Variants in FHIP1A observed in about 807,000 individuals in gnomAD.
The protein encoded by FHIP1A is FHF complex subunit HOOK-interacting protein 1A.
Under a neutral mutation model 88.6 loss-of-function variants are expected in FHIP1A, and 61 were observed. The ratio of observed to expected loss-of-function variants is 0.69; its 90% CI spans 0.56 to 0.85. The LOEUF is 0.85. Ranked by LOEUF, FHIP1A falls within the 40% of genes least tolerant of loss-of-function variation. The pLI, the probability that FHIP1A is intolerant of heterozygous loss-of-function variation, is 0.00. For missense variants in FHIP1A, 1,154 were observed against 1,273.5 expected, an observed-to-expected ratio of 0.91 and a Z score of 1.43; for synonymous variants, 478 against 496.0, an observed-to-expected ratio of 0.96 and a Z score of 0.48.
intron 4 of FHIP1A, among the ~76,000 whole-genome samples, chr4:151,567,445 T>A (rs183773504): frequency 1.3e-5 from 2 of 150,284 alleles, no homozygotes; most frequent in Non-Finnish European, 3.0e-5. Context: ...GTATAAACCT[T>A]CTCCGATTTT....
intron 3 of FHIP1A, among the ~76,000 whole-genome samples, chr4:151,526,889 C>T (rs563512892): frequency 7.5e-5 from 11 of 145,886 alleles, no homozygotes; most frequent in African/African-American, 1.3e-4. Context: ...CCGGACGGGG[C>T]GGCAGGGCAG....
intron 3 of FHIP1A, among the ~76,000 whole-genome samples, chr4:151,530,957 A>G (rs1401907802): frequency 2.6e-5 from 4 of 152,114 alleles, no homozygotes; most frequent in African/African-American, 9.7e-5. Flanking sequence ...AGGGCTGTCA[A>G]TGCTTCTTAT....
intron 3 of FHIP1A, among the ~76,000 whole-genome samples, chr4:151,542,871 T>G (rs549399641): frequency 5.9e-5 from 9 of 152,210 alleles, no homozygotes; most frequent in Non-Finnish European, 1.3e-4. Flanking sequence ...TCTCTGTGCC[T>G]TAGATTTCTC....
chr4:151,442,596 A>G (rs535777537), intron 1 of FHIP1A, among the ~76,000 whole-genome samples: 2 of 152,224 alleles, frequency 1.3e-5, no homozygotes, highest in African/African-American at 2.4e-5. Flanking sequence ...TGCATTTTTC[A>G]TAAGTCATAT....
chr4:151,579,715 C>T (rs1733950612), intron 5 of FHIP1A, among the ~76,000 whole-genome samples: 2 of 152,114 alleles, frequency 1.3e-5, no homozygotes, highest in Admixed American at 6.5e-5. Context: ...GAAAGCTCTA[C>T]AGCTTGTAGA....
chr4:151,608,325 A>T (rs920365245), intron 7 of FHIP1A, among the ~76,000 whole-genome samples: 5 of 152,160 alleles, frequency 3.3e-5, no homozygotes, highest in Admixed American at 3.3e-4. Context: ...GATTGCAGGC[A>T]TGAGGCACCA....
intron 9 of FHIP1A, among the ~76,000 whole-genome samples, chr4:151,639,202 C>A (rs1177184465): frequency 6.6e-6 from 1 of 152,160 alleles, no homozygotes; most frequent in African/African-American, 2.4e-5. Context: ...ACAGTGTATT[C>A]TCTCTGATCT....
chr4:151,650,344 G>C lies in FHIP1A; in HGVS notation c.2303G>C (p.Gly768Ala). The change falls in exon 11 of 14, where the codon GGC (glycine) becomes GCC (alanine). Residue 768 changes from glycine (G) to alanine (A), a missense_variant. Transcript: ENST00000435205. ...IIKELDSGAE[G>A]LMEQNYPTPD... Reference sequence around the variant, plus strand: ...AAAGAGCTGGATTCCGGCGCCGAGGGCTTGATGGAACAGAATTACCCCACA... The same window carrying C: ...AAAGAGCTGGATTCCGGCGCCGAGGCCTTGATGGAACAGAATTACCCCACA... 1 of 1,551,730 alleles carries C rather than the reference G, an allele frequency of 6.4e-7. No homozygotes were observed. Among genetic ancestry groups the C allele is most frequent in the Non-Finnish European group, 8.7e-7 (1 of 1,147,012 alleles).
chr4:151,448,932 A>G (rs1000089876), intron 1 of FHIP1A, among the ~76,000 whole-genome samples: 2 of 152,164 alleles, frequency 1.3e-5, no homozygotes, highest in African/African-American at 4.8e-5. Context: ...AACAGTGCAC[A>G]GGAGTTCCAG....
intron 3 of FHIP1A, among the ~76,000 whole-genome samples, chr4:151,533,458 C>T (rs1428221480): frequency 6.6e-6 from 1 of 151,964 alleles, no homozygotes; most frequent in African/African-American, 2.4e-5. Context: ...GATATATTTC[C>T]TTTGGCTCAT....
At chr4:151,635,883 T>G (rs1736334973) in intron 8 of FHIP1A, among the ~76,000 whole-genome samples, 1 of 152,012 alleles carries the variant, frequency 6.6e-6, no homozygotes. Context: ...ATTTATGTGT[T>G]CTTTATCAAT....
intron 8 of FHIP1A, among the ~76,000 whole-genome samples, chr4:151,631,086 C>T (rs1393370690): frequency 6.6e-6 from 1 of 151,978 alleles, no homozygotes; most frequent in Non-Finnish European, 1.5e-5. Flanking sequence ...TAAGCTTCTA[C>T]TTTAACACAC....
At position 151,665,256 on chromosome 4, in the gene FHIP1A, T is replaced by A. The variant is rs1737620310; in HGVS notation, c.*2502T>A. Among the ~76,000 whole-genome samples, 1 of 152,172 alleles carries A rather than the reference T, an allele frequency of 6.6e-6. No homozygotes were observed. The highest frequency in any genetic ancestry group is 1.5e-5 in the Non-Finnish European group (1 of 68,044). On this transcript the variant is annotated 3_prime_UTR_variant, in exon 14 of 14. Coordinates refer to ENST00000435205, the MANE Select transcript of FHIP1A (RefSeq NM_001109977.3). ...CCTCCCGAAGTGCTGGGATTACAGGTGTGAGCCACTGGGTCCAGCCTGAAG... is the reference window on the plus strand; with the variant it reads ...CCTCCCGAAGTGCTGGGATTACAGGAGTGAGCCACTGGGTCCAGCCTGAAG...
At chr4:151,445,784 G>A (rs1728574796) in intron 1 of FHIP1A, among the ~76,000 whole-genome samples, 1 of 147,424 alleles carries the variant, frequency 6.8e-6, no homozygotes, top group Non-Finnish European at 1.5e-5. Flanking sequence ...GAATCTAGGA[G>A]TTTGAGGCTG....
rs55978113 is a variant in FHIP1A at position 151,658,948 on chromosome 4, C to T, written c.2869+2050C>T. Among the ~76,000 whole-genome samples, 1,194 of 152,268 alleles carry T rather than the reference C, an allele frequency of 7.8e-3. 11 individuals carry two copies. Among genetic ancestry groups the T allele is most frequent in the African/African-American group, 0.028 (1,146 of 41,552 alleles). On this transcript the variant is annotated intron_variant, in intron 13 of 13. Transcript: ENST00000435205. ...GAGATGAGTGTACACACTGACCAAC[C>T]TAGATATACTGAGGTGCACTAGATA... is the stretch of plus-strand genomic sequence containing the variant.
At chr4:151,485,266 G>C (rs1018125735) in intron 3 of FHIP1A, among the ~76,000 whole-genome samples, 4 of 127,130 alleles carry the variant, frequency 3.1e-5, no homozygotes. Context: ...TTCGAGCATA[G>C]TTTGGATCTT....
At chr4:151,625,632 C>A (rs1441548025) in intron 7 of FHIP1A, among the ~76,000 whole-genome samples, 1 of 151,956 alleles carries the variant, frequency 6.6e-6, no homozygotes, top group Non-Finnish European at 1.5e-5. Flanking sequence ...GGGTTTGGTT[C>A]TGGCTTTAAT....
At chr4:151,596,389 C>T (rs1324527289) in intron 7 of FHIP1A, among the ~76,000 whole-genome samples, 1 of 152,132 alleles carries the variant, frequency 6.6e-6, no homozygotes, top group Non-Finnish European at 1.5e-5. Flanking sequence ...CAGAGAGATC[C>T]CCTGTTAGTC....
At chr4:151,566,101 C>T (rs983626851) in intron 3 of FHIP1A, 37 bp from the exon 4 acceptor site, 3 of 485,824 alleles carry the variant, frequency 6.2e-6, no homozygotes, top group African/African-American at 2.0e-5. Flanking sequence ...AATTTATGAA[C>T]ATAATAAAAT....
Sources: gnomAD v4.1 joint callset for allele counts (sites outside exome capture counted in the v4.1 genomes callset) on GRCh38, gnomAD v4.1.1 for gene constraint, MANE v1.5 for transcripts, NCBI Gene and HGNC (gene_info 2026-07-23, HGNC 2026-07-21) for gene names.